Variants in MND1 observed in about 807,000 individuals in gnomAD.
MND1 encodes the protein meiotic nuclear division protein 1 homolog.
In MND1, 28 loss-of-function variants were observed where a neutral mutation model predicts 35.1. That is an observed-to-expected ratio of 0.80 (90% confidence interval 0.59 to 1.09). The LOEUF (loss-of-function observed/expected upper bound fraction) is 1.09, where lower values mean the gene tolerates loss of function less well. MND1 is among the 50% of genes least tolerant of loss of function. The probability of loss-of-function intolerance (pLI) is 0.00; values close to 1 mark genes in which losing one functional copy is unlikely to be tolerated. For missense variants in MND1, 213 were observed against 239.6 expected (o/e 0.89, Z 0.73); for synonymous variants, 69 against 70.5 (o/e 0.98, Z 0.11).
intron 4 of MND1, chr4:153,363,088 T>C (rs1773535285): frequency 1.6e-5 from 13 of 821,372 alleles, no homozygotes; most frequent in Non-Finnish European, 1.6e-5. Flanking sequence ...TGGAGCTCAG[T>C]TCTAGCTCTC....
chr4:153,374,836 C>T (rs986329295), intron 4 of MND1, among the ~76,000 whole-genome samples: 2 of 152,040 alleles, frequency 1.3e-5, no homozygotes, highest in Non-Finnish European at 2.9e-5. Context: ...TCTTTAACGT[C>T]TTCTAAGATA....
intron 3 of MND1, among the ~76,000 whole-genome samples, chr4:153,356,002 C>T (rs1438983136): frequency 1.3e-5 from 2 of 152,094 alleles, no homozygotes; most frequent in Non-Finnish European, 2.9e-5. Context: ...TAAAAAAATA[C>T]TTTTAAAAAT....
At chr4:153,372,326 G>A (rs963254265) in intron 4 of MND1, among the ~76,000 whole-genome samples, 2 of 151,384 alleles carry the variant, frequency 1.3e-5, no homozygotes, top group African/African-American at 4.8e-5. Flanking sequence ...TAAAAACGAG[G>A]TATGCCTGTG....
chr4:153,406,538 A>G (rs1351857319), intron 6 of MND1, among the ~76,000 whole-genome samples: 1 of 152,174 alleles, frequency 6.6e-6, no homozygotes, highest in Non-Finnish European at 1.5e-5. Flanking sequence ...AAAGAAAGTA[A>G]AAAGTGAACT....
chr4:153,413,154 G>A (rs1350840204), intron 7 of MND1, among the ~76,000 whole-genome samples: 10 of 152,030 alleles, frequency 6.6e-5, no homozygotes, highest in Non-Finnish European at 1.5e-5. Flanking sequence ...CACATTCTGA[G>A]GTAGTAGGGG....
rs183057491 is a variant in MND1, at chr4:153,390,630, C to T, written c.277-3632C>T. 4.4e-3 allele frequency among the ~76,000 whole-genome samples: 668 copies of T among 151,922 alleles called. 3 individuals are homozygous for T. The highest frequency in any genetic ancestry group is 0.015 in the African/African-American group (630 of 41,410). ...AGGAAGCCCAGGTGCACTAATTGCT[C>T]GAGCCCAGGAGTTCAAGACCAGCCT... is the stretch of plus-strand genomic sequence containing the variant. On this transcript the variant is annotated intron_variant, in intron 4 of 7. Coordinates refer to ENST00000240488, the MANE Select transcript of MND1 (RefSeq NM_032117.4).
chr4:153,399,073 TTCA>T (rs766369491), intron 6 of MND1, among the ~76,000 whole-genome samples: 14 of 152,198 alleles, frequency 9.2e-5, no homozygotes, highest in Non-Finnish European at 1.6e-4. Flanking sequence ...CCTCTAGCAG[TTCA>T]TCATGAAAAA....
chr4:153,402,228 T>A (rs548820568), intron 6 of MND1, among the ~76,000 whole-genome samples: 5 of 152,234 alleles, frequency 3.3e-5, no homozygotes, highest in South Asian at 4.1e-4. Flanking sequence ...AACAATTTTT[T>A]AATTTAGCTA....
At chr4:153,413,133 T>C (rs1729736584) in intron 7 of MND1, among the ~76,000 whole-genome samples, 1 of 152,120 alleles carries the variant, frequency 6.6e-6, no homozygotes, top group Non-Finnish European at 1.5e-5. Context: ...AAAGATCTGT[T>C]TCAATATAGT....
chr4:153,350,416 A>T (rs137867273), intron 2 of MND1, among the ~76,000 whole-genome samples: 178 of 152,274 alleles, frequency 1.2e-3, no homozygotes, highest in African/African-American at 4.0e-3. Context: ...AATAATAATG[A>T]TGAAAGCCCA....
chr4:153,401,477 TC>T (rs1394190140), intron 6 of MND1, among the ~76,000 whole-genome samples: 1 of 152,130 alleles, frequency 6.6e-6, no homozygotes, highest in African/African-American at 2.4e-5. Flanking sequence ...ATGCCAGTGA[TC>T]CCCTTATCAC....
At chr4:153,403,597 G>T (rs376144682) in intron 6 of MND1, among the ~76,000 whole-genome samples, 78 of 152,168 alleles carry the variant, frequency 5.1e-4, no homozygotes, top group African/African-American at 1.8e-3. Context: ...GGAAGAATCT[G>T]CTTTCTAGGG....
intron 2 of MND1, among the ~76,000 whole-genome samples, chr4:153,351,026 A>G (rs1773205327): frequency 6.6e-6 from 1 of 151,978 alleles, no homozygotes; most frequent in Non-Finnish European, 1.5e-5. Context: ...CTTAAAAGTC[A>G]TTGGCAATTC....
At chr4:153,366,506 A>C (rs575699142) in intron 4 of MND1, among the ~76,000 whole-genome samples, 26 of 152,376 alleles carry the variant, frequency 1.7e-4, no homozygotes, top group Middle Eastern at 3.4e-3. Context: ...TGGAAATATC[A>C]AGTAGACAAT....
chr4:153,413,019 A>G lies in MND1; in HGVS notation c.512-1732A>G, dbSNP rs540208365. ...ACAGGATTTTACTATGTCGGCCAGGATGGTCTCGATCTCTTGACCTCATGA... is the reference window on the plus strand; with the variant it reads ...ACAGGATTTTACTATGTCGGCCAGGGTGGTCTCGATCTCTTGACCTCATGA... On this transcript the variant is annotated intron_variant, in intron 7 of 7. Transcript: ENST00000240488. Among the ~76,000 whole-genome samples the G allele has an allele frequency of 3.3e-5, 5 of 152,102 alleles. No homozygotes were observed. The South Asian group carries it at 1.0e-3, about 32-fold the overall frequency.
At chr4:153,356,785 AT>A (rs1367323551) in intron 3 of MND1, among the ~76,000 whole-genome samples, 2 of 151,366 alleles carry the variant, frequency 1.3e-5, no homozygotes, top group South Asian at 2.1e-4. Flanking sequence ...TGCATATTTT[AT>A]TTTATTTATT....
chr4:153,362,311 T>C (rs1773515915), intron 4 of MND1, among the ~76,000 whole-genome samples: 1 of 152,228 alleles, frequency 6.6e-6, no homozygotes, highest in Admixed American at 6.5e-5. Context: ...GGCAAGTGAT[T>C]GGATCTTGGG....
intron 6 of MND1, 38 bp downstream of exon 6, chr4:153,397,371 A>G (rs753516349): frequency 3.8e-5 from 55 of 1,450,150 alleles, no homozygotes; most frequent in Non-Finnish European, 4.9e-5. Context: ...TTTAACTTTG[A>G]TAATGAAGAA....
intron 4 of MND1, among the ~76,000 whole-genome samples, chr4:153,382,215 G>GA (rs953791523): frequency 2.4e-4 from 36 of 150,750 alleles, no homozygotes; most frequent in African/African-American, 8.0e-4. Flanking sequence ...AACTTATTTT[G>GA]AAAAAAAATA....
Sources: allele counts gnomAD v4.1 joint callset (sites outside exome capture counted in the v4.1 genomes callset), GRCh38; gene constraint gnomAD v4.1.1; transcripts MANE v1.5; gene names NCBI Gene and HGNC (gene_info 2026-07-23, HGNC 2026-07-21).